CCDC136: variants seen among roughly 807,000 people sequenced by gnomAD.
The protein encoded by CCDC136 is coiled-coil domain-containing protein 136.
A neutral mutation model predicts 141.2 loss-of-function variants in CCDC136; 100 were observed. That is an observed-to-expected ratio of 0.71 (90% CI 0.60 to 0.84). The LOEUF is 0.84. CCDC136 is among the 40% of genes least tolerant of loss of function. CCDC136 has a pLI of 0.00. For synonymous variants in CCDC136, 474 were observed against 531.9 expected (o/e 0.89, Z 1.50); for missense variants, 1,206 against 1,379.4 (o/e 0.87, Z 1.99).
intron 4 of CCDC136, among the ~76,000 whole-genome samples, chr7:128,804,003 CAG>C (rs919294717): frequency 3.9e-5 from 6 of 152,076 alleles, no homozygotes; most frequent in South Asian, 4.1e-4. Flanking sequence ...TTAGTAGAGA[CAG>C]GGGTTTTGCC....
chr7:128,814,450 T>C (rs1806269941), intron 14 of CCDC136, among the ~76,000 whole-genome samples, 188 bp from the exon 15 acceptor site: 1 of 152,166 alleles, frequency 6.6e-6, no homozygotes, highest in Non-Finnish European at 1.5e-5. Flanking sequence ...GGAGAAGCTA[T>C]TTGTAAAACT....
intron 11 of CCDC136, 57 bp downstream of exon 11, chr7:128,809,701 T>TAGTCACACAGGGAA: frequency 7.9e-7 from 1 of 1,264,524 alleles, no homozygotes; most frequent in Non-Finnish European, 1.1e-6. Context: ...GAAGCTTCCC[T>TAGTCACACAGGGAA]GTGTGACTAG....
At chr7:128,804,100 G>A (rs1199977812) in intron 4 of CCDC136, among the ~76,000 whole-genome samples, 1 of 152,144 alleles carries the variant, frequency 6.6e-6, no homozygotes, top group Non-Finnish European at 1.5e-5. Flanking sequence ...ACAGGCTTGA[G>A]CCACTACACC....
chr7:128,796,827 C>T (rs1359258501), intron 3 of CCDC136, among the ~76,000 whole-genome samples: 8 of 144,416 alleles, frequency 5.5e-5, no homozygotes, highest in African/African-American at 7.8e-5. Flanking sequence ...CTGCAAGCTC[C>T]GCCTCCCGGG....
chr7:128,813,165 T>C (rs1275758586), intron 14 of CCDC136, among the ~76,000 whole-genome samples: 1 of 152,222 alleles, frequency 6.6e-6, no homozygotes, highest in Non-Finnish European at 1.5e-5. Context: ...GCCACTTCTG[T>C]TCTCTTTTGC....
rs1806851556 is a variant in CCDC136, at chr7:128,817,735, T to C, written c.3364-23T>C. ...ATCTCCTGGTCTCTCCTCGTGCTTC[T>C]TTCTCATTTTGGTGTGTTGCAGTCA... On this transcript the variant is annotated intron_variant, in intron 16 of 17. Transcript: ENST00000297788. This position sits in a 1 kb window ranked among gnomAD's most constrained non-coding sequence, Gnocchi z 4.6. 1 of 1,532,316 alleles carries C rather than the reference T, an allele frequency of 6.5e-7. No homozygotes were observed. Among genetic ancestry groups the C allele is most frequent in the Non-Finnish European group, 9.0e-7 (1 of 1,105,346 alleles). 94.9% of individuals were successfully genotyped at this position (1,532,316 alleles called of 1,614,324 possible).
intron 12 of CCDC136, 140 bp from the exon 13 acceptor site, chr7:128,811,660 G>A (rs1805733637): frequency 1.3e-6 from 1 of 744,826 alleles, no homozygotes; most frequent in Non-Finnish European, 2.2e-6. Context: ...GGCTAAGTCA[G>A]AGACATAGGC....
In CCDC136 at chr7:128,821,944, A is replaced by C. The variant is rs771763038; in HGVS notation, c.*151A>C. On this transcript the variant is annotated 3_prime_UTR_variant, in exon 18 of 18. Transcript: ENST00000297788. The surrounding 1 kb of genome is among the most constrained non-coding windows in gnomAD (Gnocchi z 5.1). ...TTGGCCAGCGCGAGGGCAGATCCCC[A>C]GTGGCCACCACCCTCAGCTTTGGGC... The C allele has an allele frequency of 3.3e-5, 42 of 1,289,416 alleles. No homozygotes were observed. Among genetic ancestry groups the C allele is most frequent in the Non-Finnish European group, 4.1e-5 (41 of 988,826 alleles). The allele number at this position is 1,289,416 out of a possible 1,614,324, so 79.9% of individuals were successfully genotyped here.
At chr7:128,803,634 CAGAGTA>C (rs942026672) in intron 4 of CCDC136, among the ~76,000 whole-genome samples, 19 of 152,152 alleles carry the variant, frequency 1.2e-4, no homozygotes, top group African/African-American at 4.6e-4. Context: ...GTCTGGATGG[CAGAGTA>C]AGACTATCTC....
intron 10 of CCDC136, chr7:128,809,249 G>A (rs1011247808): frequency 2.6e-5 from 14 of 537,966 alleles, no homozygotes; most frequent in Non-Finnish European, 3.7e-5. Flanking sequence ...AGAGCAACCT[G>A]CTCTGAAGGA....
chr7:128,813,011 A>G (rs1806026408), intron 14 of CCDC136, 82 bp downstream of exon 14: 8 of 904,752 alleles, frequency 8.8e-6, no homozygotes, highest in Non-Finnish European at 1.4e-5. Context: ...GAGGCTAAAG[A>G]GAGGGACAAA....
chr7:128,805,104 G>C lies in CCDC136; in HGVS notation c.783-255G>C, dbSNP rs911622977. 6.6e-6 allele frequency among the ~76,000 whole-genome samples: 1 copy of C among 152,168 alleles called. No individual in the cohort carries two copies. Among genetic ancestry groups the C allele is most frequent in the Non-Finnish European group, 1.5e-5 (1 of 68,024 alleles). ...AGGCACAATGCTTCCAGATTGGAGT[G>C]GGCTTGACTAGGCCTAGCCTCAAAA... On this transcript the variant is annotated intron_variant, in intron 5 of 17. Coordinates refer to ENST00000297788, the MANE Select transcript of CCDC136 (RefSeq NM_022742.5). This position sits in a 1 kb window ranked among gnomAD's most constrained non-coding sequence, Gnocchi z 4.6.
chr7:128,815,558 G>A lies in CCDC136; in HGVS notation c.3046-56G>A, dbSNP rs577684195. 9.5e-5 allele frequency: 143 copies of A among 1,498,754 alleles called. No homozygotes were observed. In the African/African-American group the frequency reaches 1.4e-3, roughly 14 times the overall value. 92.8% of individuals were successfully genotyped at this position (1,498,754 alleles called of 1,614,324 possible). A position where few individuals can be genotyped will look rare whatever the true frequency, so the allele number is the denominator to read the frequency against. On this transcript the variant is annotated intron_variant, in intron 15 of 17. Transcript: ENST00000297788. Reference sequence around the variant, plus strand: ...TGGAGCTAGTACAGCATTGTCATGAGATTAGGAGCTTCACAGGTAACGCAG... The same window carrying A: ...TGGAGCTAGTACAGCATTGTCATGAAATTAGGAGCTTCACAGGTAACGCAG...
Position 128,792,296 on chromosome 7 carries a change from C to T in CCDC136, c.-116C>T, listed in dbSNP as rs777087363. On this transcript the variant is annotated 5_prime_UTR_variant, in exon 1 of 18. Coordinates refer to ENST00000297788, the MANE Select transcript of CCDC136 (RefSeq NM_022742.5). ...CCGCAGCCAGCCCCCCACCCCCCAG[C>T]CCCTCCTTTCTCCCTGCTCTCAGGA... The T allele has an allele frequency of 1.3e-6, 2 of 1,586,890 alleles. No homozygotes were observed. Among genetic ancestry groups the T allele is most frequent in the Admixed American group, 1.7e-5 (1 of 57,250 alleles).
intron 16 of CCDC136, 73 bp downstream of exon 16, chr7:128,816,004 G>A (rs1585125241): frequency 6.9e-7 from 1 of 1,453,424 alleles, no homozygotes; most frequent in East Asian, 2.3e-5. Context: ...TTAATGGGTG[G>A]CCCTGCCAAG....
intron 17 of CCDC136, chr7:128,818,142 G>T: frequency 2.6e-6 from 1 of 381,710 alleles, no homozygotes; most frequent in South Asian, 2.9e-5. Context: ...GATAAGCCCA[G>T]CTTGGTTGCT....
chr7:128,796,739 A>ATATATATGTATATATATATTTTTTT, intron 3 of CCDC136, among the ~76,000 whole-genome samples: 1 of 113,376 alleles, frequency 8.8e-6, no homozygotes, highest in African/African-American at 4.6e-5. Context: ...ATATATATAT[A>ATATATATGTATATATATATTTTTTT]TTCTTTTTTT....
In CCDC136 at chr7:128,792,280, G is replaced by GCCCCCC; in HGVS notation, c.-131_-126dup. On this transcript the variant is annotated 5_prime_UTR_variant, in exon 1 of 18. Transcript: ENST00000297788. ...TCCTCTGCACCCCAGCCCGCAGCCA[G>GCCCCCC]CCCCCCACCCCCCAGCCCCTCCTTT... is the stretch of plus-strand genomic sequence containing the variant. 2.2e-6 allele frequency: 3 copies of GCCCCCC among 1,334,776 alleles called. No individual in the cohort carries two copies. The highest frequency in any genetic ancestry group is 3.6e-5 in the East Asian group (1 of 28,086). 82.7% of individuals were successfully genotyped at this position (1,334,776 alleles called of 1,614,324 possible). A position where few individuals can be genotyped will look rare whatever the true frequency, so the allele number is the denominator to read the frequency against.
chr7:128,792,206 G>A lies in CCDC136; in HGVS notation c.-206G>A. Reference sequence around the variant, plus strand: ...AGAGTGAGTCAGGCACCTCCACTGGGATTACAGATCCCAGAGCCTCGAGGA... The same window carrying A: ...AGAGTGAGTCAGGCACCTCCACTGGAATTACAGATCCCAGAGCCTCGAGGA... On this transcript the variant is annotated 5_prime_UTR_variant, in exon 1 of 18. Transcript: ENST00000297788. The A allele has an allele frequency of 6.7e-7, 1 of 1,486,532 alleles. No homozygotes were observed. The highest frequency in any genetic ancestry group is 8.9e-7 in the Non-Finnish European group (1 of 1,123,978). The allele number at this position is 1,486,532 out of a possible 1,614,324, so 92.1% of individuals were successfully genotyped here.
Sources: gnomAD v4.1 joint callset for allele counts (sites outside exome capture counted in the v4.1 genomes callset) on GRCh38, gnomAD v4.1.1 for gene constraint, Gnocchi (gnomAD v3.1) non-coding constraint, MANE v1.5 for transcripts, NCBI Gene and HGNC (gene_info 2026-07-23, HGNC 2026-07-21) for gene names.